Variants in NBAS observed in about 807,000 individuals in gnomAD.
The protein encoded by NBAS is NBAS subunit of NRZ tethering complex, also known as NAG/BC035112 fusion.
Under a neutral mutation model 302.5 loss-of-function variants are expected in NBAS, and 219 were observed. That is an observed-to-expected ratio of 0.72 (90% CI 0.65 to 0.81). The LOEUF (loss-of-function observed/expected upper bound fraction) is 0.81, where lower values mean the gene tolerates loss of function less well. Ranked by LOEUF, NBAS falls within the 30% of genes least tolerant of loss-of-function variation. The probability of loss-of-function intolerance (pLI) is 0.00; values close to 1 mark genes in which losing one functional copy is unlikely to be tolerated. For synonymous variants in NBAS, 1,118 were observed against 1,021.6 expected (o/e 1.09, Z -1.80); for missense variants, 2,932 against 2,841.6 (o/e 1.03, Z -0.72).
At chr2:15,492,220 A>G (rs1197018764) in intron 11 of NBAS, among the ~76,000 whole-genome samples, 1 of 152,210 alleles carries the variant, frequency 6.6e-6, no homozygotes, top group Non-Finnish European at 1.5e-5. Flanking sequence ...AGTCACCACC[A>G]TGCCAGAGGA....
At chr2:15,157,421 C>A in the NBAS span, among the ~76,000 whole-genome samples, 1 of 152,178 alleles carries the variant, frequency 6.6e-6, no homozygotes, top group African/African-American at 2.4e-5. Context: ...AAATACAGAT[C>A]AAGTCATGGC....
intron 38 of NBAS, among the ~76,000 whole-genome samples, chr2:15,310,609 T>C (rs746669428): frequency 1.3e-5 from 2 of 152,204 alleles, no homozygotes; most frequent in Non-Finnish European, 2.9e-5. Flanking sequence ...AATCAAATTT[T>C]GTACAAGCTA....
the NBAS span, among the ~76,000 whole-genome samples, chr2:14,905,029 AGAGT>A: frequency 6.6e-6 from 1 of 152,222 alleles, no homozygotes; most frequent in Non-Finnish European, 1.5e-5. Context: ...CCTGGGCGAC[AGAGT>A]GAGACTCCGT....
chr2:14,873,307 C>G, the NBAS span, among the ~76,000 whole-genome samples: 3 of 152,162 alleles, frequency 2.0e-5, no homozygotes, highest in African/African-American at 7.2e-5. Flanking sequence ...AGTCCCCACC[C>G]GATCCAGAAG....
In NBAS at chr2:15,467,678, T is replaced by G. The variant is rs2148572693; in HGVS notation, c.2004A>C (p.Leu668Phe). 1.2e-6 allele frequency: 2 copies of G among 1,612,432 alleles called. No homozygotes were observed. Among genetic ancestry groups the G allele is most frequent in the South Asian group, 1.1e-5 (1 of 90,824 alleles). ...AACTCATTTACTTGGAAAAGTTCAC[T>G]AATTTCAGTAGTTCTTGTCTCTTCT... ...ELKKRQELLKLVNFSKLTLEQ... is the reference protein window; with the variant it reads ...ELKKRQELLKFVNFSKLTLEQ... The change falls in exon 18 of 52, where the codon TTA (leucine) becomes TTC (phenylalanine). Residue 668 changes from leucine (L) to phenylalanine (F), a missense_variant. Transcript: ENST00000281513.
chr2:15,420,798 A>C (rs1677173608), intron 23 of NBAS, among the ~76,000 whole-genome samples: 3 of 152,166 alleles, frequency 2.0e-5, no homozygotes, highest in Admixed American at 1.3e-4. Context: ...TGATGAGGGA[A>C]GTGGTGGGGT....
intron 48 of NBAS, among the ~76,000 whole-genome samples, chr2:15,206,124 G>A (rs770341774): frequency 1.3e-5 from 2 of 152,206 alleles, no homozygotes; most frequent in Non-Finnish European, 2.9e-5. Flanking sequence ...AATGCTGATA[G>A]TGATATGGAC....
chr2:15,179,387 T>C (rs1428722014), intron 50 of NBAS: 1 of 397,866 alleles, frequency 2.5e-6, no homozygotes, highest in African/African-American at 2.0e-5. Context: ...ACAGATATAG[T>C]GGTATAATTT....
At chr2:15,214,471 G>A (rs1269896516) in intron 48 of NBAS, among the ~76,000 whole-genome samples, 1 of 152,158 alleles carries the variant, frequency 6.6e-6, no homozygotes, top group Non-Finnish European at 1.5e-5. Context: ...ATCCTTTCTG[G>A]ACTTCTGTAT....
At chr2:15,110,181 C>T in the NBAS span, among the ~76,000 whole-genome samples, 1 of 152,004 alleles carries the variant, frequency 6.6e-6, no homozygotes, top group African/African-American at 2.4e-5. Flanking sequence ...CCTGAGAGCT[C>T]AGGACATGCA....
At chr2:15,528,504 A>G (rs996464927) in intron 9 of NBAS, among the ~76,000 whole-genome samples, 4 of 89,542 alleles carry the variant, frequency 4.5e-5, no homozygotes, top group African/African-American at 1.5e-4. Context: ...GTATATATAT[A>G]CATATATACA....
At chr2:14,831,198 A>G in the NBAS span, among the ~76,000 whole-genome samples, 1 of 152,204 alleles carries the variant, frequency 6.6e-6, no homozygotes, top group Non-Finnish European at 1.5e-5. Flanking sequence ...AACTCTAAAA[A>G]TAATTGCATT....
intron 35 of NBAS, among the ~76,000 whole-genome samples, chr2:15,331,323 G>A (rs1672337989): frequency 6.6e-6 from 1 of 152,166 alleles, no homozygotes; most frequent in Non-Finnish European, 1.5e-5. Flanking sequence ...GCAATCAGCT[G>A]AAATTCTCAC....
rs1032187268 is a variant in NBAS, at chr2:15,557,352, T to C, written c.173-533A>G. ...GTGTATGCAGTTAGGTATATATCAA[T>C]GGAAAAATATCTAAAGAATAACAGA... On this transcript the variant is annotated intron_variant, in intron 2 of 51. Coordinates refer to ENST00000281513, the MANE Select transcript of NBAS (RefSeq NM_015909.4). Among the ~76,000 whole-genome samples, 5 of 152,120 alleles carry C rather than the reference T, an allele frequency of 3.3e-5. No homozygotes were observed. In the East Asian group the frequency reaches 9.6e-4, roughly 29 times the overall value.
chr2:15,444,017 T>C lies in NBAS; in HGVS notation c.2340-16223A>G, dbSNP rs1401733045. Among the ~76,000 whole-genome samples the C allele has an allele frequency of 6.6e-5, 10 of 151,718 alleles. No individual in the cohort carries two copies. The East Asian group carries it at 1.9e-3, about 30-fold the overall frequency. On this transcript the variant is annotated intron_variant, in intron 21 of 51. Transcript: ENST00000281513. ...TGAAATAAAAGAGGATACAAACAAA[T>C]GGAAGAACATTCCATGCTCATGGGT...
At chr2:15,176,754 G>A (rs550453147) in intron 51 of NBAS, among the ~76,000 whole-genome samples, 1 of 152,196 alleles carries the variant, frequency 6.6e-6, no homozygotes, top group East Asian at 1.9e-4. Flanking sequence ...TTGAATTTGA[G>A]GCCATTTTGG....
the NBAS span, among the ~76,000 whole-genome samples, chr2:15,158,245 T>C: frequency 5.3e-5 from 8 of 152,202 alleles, no homozygotes; most frequent in Admixed American, 5.2e-4. Flanking sequence ...GAGAGCTGGC[T>C]GTGGGATCCC....
the NBAS span, among the ~76,000 whole-genome samples, chr2:15,121,733 T>TAA: frequency 2.2e-4 from 29 of 130,456 alleles, no homozygotes; most frequent in Non-Finnish European, 3.2e-4. Flanking sequence ...AAAAAAAATT[T>TAA]TTTTTTTTTT....
At chr2:15,415,825 T>C (rs1366298396) in intron 24 of NBAS, 106 bp from the exon 25 acceptor site, 41 of 1,192,182 alleles carry the variant, frequency 3.4e-5, no homozygotes, top group Non-Finnish European at 5.0e-5. Flanking sequence ...CAGACTGATG[T>C]TAAACAGTGC....
Sources: gnomAD v4.1 joint callset for allele counts (sites outside exome capture counted in the v4.1 genomes callset) on GRCh38, gnomAD v4.1.1 for gene constraint, MANE v1.5 for transcripts, NCBI Gene and HGNC (gene_info 2026-07-23, HGNC 2026-07-21) for gene names.